Variants in PDGFC observed in about 807,000 individuals in gnomAD.
The protein encoded by PDGFC is platelet derived growth factor C.
In PDGFC, 12 loss-of-function variants were observed where a neutral mutation model predicts 35.5. The ratio of observed to expected loss-of-function variants is 0.34; its 90% confidence interval spans 0.22 to 0.55. The LOEUF is 0.55. Among genes scored for constraint, PDGFC ranks in the 20% least tolerant of loss-of-function variants. The pLI, the probability that PDGFC is intolerant of heterozygous loss-of-function variation, is 0.91. For synonymous variants in PDGFC, 159 were observed against 148.8 expected (o/e 1.07, Z -0.50); for missense variants, 322 against 412.4 (o/e 0.78, Z 1.90).
chr4:156,903,823 A>G lies in PDGFC; in HGVS notation c.119-53407T>C, dbSNP rs137972870. On this transcript the variant is annotated intron_variant, in intron 1 of 5. Coordinates refer to ENST00000502773, the MANE Select transcript of PDGFC (RefSeq NM_016205.3). ...TTCAAGCTTAATTTTAAAATATAGC[A>G]AAGTGTAGGAAGACAAACCATTACC... Among the ~76,000 whole-genome samples the G allele has an allele frequency of 7.9e-5, 12 of 152,266 alleles. No individual in the cohort carries two copies. In the East Asian group the frequency reaches 2.3e-3, roughly 29 times the overall value.
intron 1 of PDGFC, among the ~76,000 whole-genome samples, chr4:156,881,139 T>C (rs765232229): frequency 6.6e-6 from 1 of 152,256 alleles, no homozygotes; most frequent in Middle Eastern, 3.4e-3. Flanking sequence ...TTTAGGAAAC[T>C]GCCACAGCCG....
At chr4:156,881,412 T>A (rs1178269004) in intron 1 of PDGFC, among the ~76,000 whole-genome samples, 4 of 152,180 alleles carry the variant, frequency 2.6e-5, no homozygotes, top group South Asian at 4.1e-4. Flanking sequence ...CTCCCTGATA[T>A]GGTTTGGCTC....
At chr4:156,806,826 T>G (rs375106197) in intron 3 of PDGFC, among the ~76,000 whole-genome samples, 7 of 152,126 alleles carry the variant, frequency 4.6e-5, no homozygotes, top group African/African-American at 1.7e-4. Flanking sequence ...GTACACAGAG[T>G]AAAACATATA....
At chr4:156,908,873 T>C (rs982876120) in intron 1 of PDGFC, among the ~76,000 whole-genome samples, 1 of 152,076 alleles carries the variant, frequency 6.6e-6, no homozygotes, top group East Asian at 1.9e-4. Context: ...CAATGTGGCA[T>C]ATGTATACAA....
chr4:156,970,289 G>T (rs1162928830), intron 1 of PDGFC, among the ~76,000 whole-genome samples: 3 of 152,080 alleles, frequency 2.0e-5, no homozygotes, highest in Non-Finnish European at 4.4e-5. Context: ...CTCTAAAAAC[G>T]ACCACACAGC....
At chr4:156,768,980 ATAATT>A (rs1271555302) in intron 4 of PDGFC, among the ~76,000 whole-genome samples, 4 of 151,964 alleles carry the variant, frequency 2.6e-5, no homozygotes, top group Non-Finnish European at 4.4e-5. Flanking sequence ...GACTTCTAAT[ATAATT>A]TATTTTCTGC....
intron 1 of PDGFC, among the ~76,000 whole-genome samples, chr4:156,932,902 A>C (rs1560879491): frequency 1.3e-5 from 2 of 152,090 alleles, no homozygotes; most frequent in Non-Finnish European, 2.9e-5. Flanking sequence ...ATAATTAAAA[A>C]AAAAAAGAAG....
intron 1 of PDGFC, among the ~76,000 whole-genome samples, chr4:156,901,745 C>A (rs1159908549): frequency 6.6e-6 from 1 of 152,058 alleles, no homozygotes; most frequent in Non-Finnish European, 1.5e-5. Flanking sequence ...GCCTCGGCCT[C>A]CTGAGGAGCT....
chr4:156,782,692 C>T (rs1278749405), intron 3 of PDGFC, among the ~76,000 whole-genome samples: 1 of 152,104 alleles, frequency 6.6e-6, no homozygotes, highest in African/African-American at 2.4e-5. Context: ...GGTCAGAATT[C>T]TGGGCAGGTC....
intron 1 of PDGFC, among the ~76,000 whole-genome samples, chr4:156,952,624 T>G (rs1462217911): frequency 6.6e-6 from 1 of 151,832 alleles, no homozygotes. Context: ...TTCTCCCCAA[T>G]GCCTAAGATA....
At position 156,843,948 on chromosome 4, in the gene PDGFC, G is replaced by A. The variant is rs116703086; in HGVS notation, c.314+6273C>T. 6.7e-3 allele frequency among the ~76,000 whole-genome samples: 1,012 copies of A among 152,166 alleles called. 6 individuals are homozygous for A. Among genetic ancestry groups the A allele is most frequent in the Non-Finnish European group, 9.8e-3 (669 of 68,006 alleles). On this transcript the variant is annotated intron_variant, in intron 2 of 5. Coordinates refer to ENST00000502773, the MANE Select transcript of PDGFC (RefSeq NM_016205.3). ...CAATAGTTTACTACCTAATACTACTGAACTCCTGTCCTCAAAATCCTTGCC... is the reference window on the plus strand; with the variant it reads ...CAATAGTTTACTACCTAATACTACTAAACTCCTGTCCTCAAAATCCTTGCC...
intron 1 of PDGFC, among the ~76,000 whole-genome samples, chr4:156,902,925 A>C (rs972420331): frequency 1.3e-5 from 2 of 152,164 alleles, no homozygotes; most frequent in African/African-American, 4.8e-5. Flanking sequence ...GGCACTTGAT[A>C]ATTATTTATT....
At chr4:156,970,330 T>A (rs889102685) in intron 1 of PDGFC, among the ~76,000 whole-genome samples, 6 of 152,170 alleles carry the variant, frequency 3.9e-5, no homozygotes, top group African/African-American at 1.4e-4. Context: ...TATCTACTCA[T>A]TGATTAATTG....
intron 3 of PDGFC, 70 bp downstream of exon 3, chr4:156,810,767 A>G: frequency 1.0e-6 from 1 of 960,158 alleles, no homozygotes; most frequent in Non-Finnish European, 1.6e-6. Context: ...TCTCATGTGT[A>G]AGAGGAGAAA....
At chr4:156,772,401 T>A (rs1041301275) in intron 4 of PDGFC, among the ~76,000 whole-genome samples, 1 of 152,144 alleles carries the variant, frequency 6.6e-6, no homozygotes, top group African/African-American at 2.4e-5. Flanking sequence ...TTTTGTAAAA[T>A]GCAATGAAGG....
intron 2 of PDGFC, among the ~76,000 whole-genome samples, chr4:156,835,410 T>C (rs1380176257): frequency 6.6e-6 from 1 of 152,196 alleles, no homozygotes; most frequent in East Asian, 1.9e-4. Context: ...TTAAGAAATC[T>C]GAATCATATT....
At chr4:156,965,266 A>C (rs1293452591) in intron 1 of PDGFC, among the ~76,000 whole-genome samples, 1 of 151,992 alleles carries the variant, frequency 6.6e-6, no homozygotes, top group Non-Finnish European at 1.5e-5. Context: ...GATACTAACT[A>C]CCTCCAGAAC....
At chr4:156,854,074 T>C (rs975408782) in intron 1 of PDGFC, among the ~76,000 whole-genome samples, 8 of 152,214 alleles carry the variant, frequency 5.3e-5, no homozygotes, top group African/African-American at 1.9e-4. Context: ...CTCCCTATTG[T>C]CCAAAGTTTC....
In PDGFC at chr4:156,770,626, C is replaced by G. The variant is rs904927025; in HGVS notation, c.703+2060G>C. ...TAAAAGTTGGTCTTCAGATTTTTTT[C>G]CTTTTCATAATTATCTCCTAAGAAA... On this transcript the variant is annotated intron_variant, in intron 4 of 5. Coordinates refer to ENST00000502773, the MANE Select transcript of PDGFC (RefSeq NM_016205.3). The G allele has an allele frequency of 2.6e-5, 4 of 152,028 alleles. No individual in the cohort carries two copies. The South Asian group carries it at 8.3e-4, about 32-fold the overall frequency. The allele number at this position is 152,028 out of a possible 1,614,324, so 9.4% of individuals were successfully genotyped here.
Sources: allele counts gnomAD v4.1 joint callset (sites outside exome capture counted in the v4.1 genomes callset), GRCh38; gene constraint gnomAD v4.1.1; transcripts MANE v1.5; gene names NCBI Gene and HGNC (gene_info 2026-07-23, HGNC 2026-07-21).